Variants in SSC5D observed in about 807,000 individuals in gnomAD.
The protein encoded by SSC5D is scavenger receptor cysteine rich family member with 5 domains, also known as soluble scavenger receptor cysteine-rich domain-containing protein SSC5D.
Under a neutral mutation model 104.6 loss-of-function variants are expected in SSC5D, and 106 were observed. That is an observed-to-expected ratio of 1.01 (90% confidence interval 0.87 to 1.19). The LOEUF (loss-of-function observed/expected upper bound fraction) is 1.19. SSC5D is among the 50% of genes most tolerant of loss of function. The probability of loss-of-function intolerance (pLI) is 0.00; values close to 1 mark genes in which losing one functional copy is unlikely to be tolerated. For synonymous variants in SSC5D, 860 were observed against 883.5 expected (o/e 0.97, Z 0.47); for missense variants, 1,993 against 2,153.8 (o/e 0.93, Z 1.48).
At chr19:55,510,498 T>A (rs4254424) in intron 12 of SSC5D, among the ~76,000 whole-genome samples, 1 of 152,076 alleles carries the variant, frequency 6.6e-6, no homozygotes, top group African/African-American at 2.4e-5. Flanking sequence ...ACAGGCATGT[T>A]CCACCACGCC....
chr19:55,494,916 G>A, intron 8 of SSC5D, 133 bp downstream of exon 8: 1 of 1,060,896 alleles, frequency 9.4e-7, no homozygotes, highest in South Asian at 1.8e-5. Flanking sequence ...CCTCGCCCAG[G>A]ACACTGAGCT....
chr19:55,515,815 C>T (rs1987860668), intron 13 of SSC5D, among the ~76,000 whole-genome samples: 1 of 152,162 alleles, frequency 6.6e-6, no homozygotes, highest in African/African-American at 2.4e-5. Flanking sequence ...GCTTGGTAGC[C>T]ACATGTGGCC....
chr19:55,494,569 G>A, intron 7 of SSC5D, 41 bp from the exon 8 acceptor site: 8 of 1,466,652 alleles, frequency 5.5e-6, no homozygotes, highest in Non-Finnish European at 7.3e-6. Context: ...CCGGGATGGA[G>A]GGTGTGTGTG....
chr19:55,498,822 G>A (rs1166585379), intron 9 of SSC5D, among the ~76,000 whole-genome samples: 2 of 152,192 alleles, frequency 1.3e-5, no homozygotes, highest in African/African-American at 4.8e-5. Context: ...TTTGCTAGAA[G>A]AACTCTTAGA....
intron 6 of SSC5D, among the ~76,000 whole-genome samples, 181 bp from the exon 7 acceptor site, chr19:55,493,414 C>A (rs906891939): frequency 6.6e-6 from 1 of 152,214 alleles, no homozygotes; most frequent in South Asian, 2.1e-4. Flanking sequence ...ATGGGGGATG[C>A]GCCAGAGTTG....
At chr19:55,496,604 T>C (rs935608457) in intron 8 of SSC5D, among the ~76,000 whole-genome samples, 1 of 152,162 alleles carries the variant, frequency 6.6e-6, no homozygotes, top group Non-Finnish European at 1.5e-5. Context: ...TGGATACTGA[T>C]AGGTCTCCAT....
chr19:55,492,614 C>T (rs2123431334), intron 6 of SSC5D: 1 of 152,224 alleles, frequency 6.6e-6, no homozygotes, highest in South Asian at 2.1e-4. Flanking sequence ...TAGACTCCTC[C>T]CTAGTTCTGT....
At chr19:55,515,272 T>C (rs1987843968) in intron 13 of SSC5D, among the ~76,000 whole-genome samples, 1 of 151,570 alleles carries the variant, frequency 6.6e-6, no homozygotes, top group Non-Finnish European at 1.5e-5. Flanking sequence ...GGCACATGCC[T>C]GTCATCCCAG....
chr19:55,491,086 T>G lies in SSC5D; in HGVS notation c.895+6T>G. ...TGCGGGGCTGGTCTGCACCGGTACG[T>G]CGGGCTGGGGCCTGGCCCCCTCCTG... On this transcript the variant is annotated splice_donor_region_variant and intron_variant, in intron 6 of 13. Transcript: ENST00000389623. 1.9e-6 allele frequency: 3 copies of G among 1,546,644 alleles called. No individual in the cohort carries two copies. The highest frequency in any genetic ancestry group is 8.7e-7 in the Non-Finnish European group (1 of 1,145,124).
chr19:55,504,604 G>C (rs1019084727), intron 12 of SSC5D, among the ~76,000 whole-genome samples: 36 of 152,262 alleles, frequency 2.4e-4, no homozygotes, highest in African/African-American at 8.7e-4. Context: ...AGGTTTAAAC[G>C]ATTCTCCTGC....
chr19:55,493,480 G>A, intron 6 of SSC5D, 115 bp from the exon 7 acceptor site: 1 of 940,582 alleles, frequency 1.1e-6, no homozygotes, highest in Non-Finnish European at 1.5e-6. Context: ...GGATAGTGAA[G>A]ATGGAATATT....
intron 12 of SSC5D, among the ~76,000 whole-genome samples, chr19:55,501,795 T>G (rs1347700151): frequency 1.3e-5 from 2 of 152,180 alleles, no homozygotes; most frequent in Non-Finnish European, 2.9e-5. Context: ...TGTCACCACA[T>G]TCTTCTGCCT....
intron 12 of SSC5D, among the ~76,000 whole-genome samples, chr19:55,508,138 C>CAG (rs1418086173): frequency 1.3e-5 from 2 of 152,186 alleles, no homozygotes; most frequent in African/African-American, 4.8e-5. Flanking sequence ...CAGGGAGCGC[C>CAG]TGGGCTGAGG....
At chr19:55,511,455 C>T (rs978051486) in intron 12 of SSC5D, among the ~76,000 whole-genome samples, 1 of 151,756 alleles carries the variant, frequency 6.6e-6, no homozygotes, top group Non-Finnish European at 1.5e-5. Flanking sequence ...GAAGGGAATT[C>T]GGGGTGGGGG....
intron 4 of SSC5D, 130 bp downstream of exon 4, chr19:55,490,125 C>T (rs1322441260): frequency 3.6e-5 from 23 of 643,022 alleles, no homozygotes; most frequent in Non-Finnish European, 5.1e-5. Flanking sequence ...AGAGGGACCT[C>T]TGCAGTATGA....
intron 13 of SSC5D, among the ~76,000 whole-genome samples, chr19:55,513,904 T>C (rs1447236022): frequency 1.3e-5 from 2 of 152,184 alleles, no homozygotes; most frequent in Non-Finnish European, 2.9e-5. Context: ...AAACAGGTGA[T>C]TCCCAGAAAA....
chr19:55,510,236 T>G (rs2123454647), intron 12 of SSC5D, among the ~76,000 whole-genome samples: 1 of 152,322 alleles, frequency 6.6e-6, no homozygotes, highest in East Asian at 1.9e-4. Flanking sequence ...TGGGCTCAAC[T>G]GATCCACCTG....
chr19:55,516,675 C>G (rs976757934), intron 13 of SSC5D, among the ~76,000 whole-genome samples: 1 of 150,644 alleles, frequency 6.6e-6, no homozygotes, highest in Admixed American at 6.6e-5. Flanking sequence ...CCCAGGAGTT[C>G]GAGGTTACAG....
chr19:55,516,416 G>C (rs1987871675), intron 13 of SSC5D, among the ~76,000 whole-genome samples: 1 of 151,842 alleles, frequency 6.6e-6, no homozygotes, highest in Admixed American at 6.6e-5. Context: ...AGAATGGTGT[G>C]AACCCGGGAG....
Sources: allele counts gnomAD v4.1 joint callset (sites outside exome capture counted in the v4.1 genomes callset), GRCh38; gene constraint gnomAD v4.1.1; transcripts MANE v1.5; gene names NCBI Gene and HGNC (gene_info 2026-07-23, HGNC 2026-07-21).